The following PLCG2 variants were observed in gnomAD, a reference collection of about 807,000 sequenced individuals.
PLCG2 encodes 1-phosphatidylinositol 4,5-bisphosphate phosphodiesterase gamma-2.
In PLCG2, 69 loss-of-function variants were observed where a neutral mutation model predicts 175.6. The observed-to-expected ratio is 0.39, with a 90% CI of 0.32 to 0.48. The LOEUF is 0.48. Ranked by LOEUF, PLCG2 falls within the 20% of genes least tolerant of loss-of-function variation. PLCG2 has a pLI of 0.91. For missense variants in PLCG2, 1,798 were observed against 1,650.9 expected (o/e 1.09, Z -1.54); for synonymous variants, 827 against 624.0 (o/e 1.33, Z -4.85).
intron 31 of PLCG2, among the ~76,000 whole-genome samples, chr16:81,949,485 T>A (rs1911282086): frequency 6.6e-6 from 1 of 152,196 alleles, no homozygotes; most frequent in Non-Finnish European, 1.5e-5. Context: ...GAATGTGGAC[T>A]AGGAAGACGG....
chr16:81,921,436 C>G (rs753990734), intron 21 of PLCG2, 167 bp downstream of exon 21: 7 of 669,582 alleles, frequency 1.0e-5, no homozygotes, highest in Admixed American at 4.3e-5. Context: ...TAATATCAAG[C>G]CTAGTTTCAG....
intron 2 of PLCG2, among the ~76,000 whole-genome samples, chr16:81,796,853 T>A (rs796229678): frequency 5.3e-5 from 8 of 152,306 alleles, no homozygotes; most frequent in African/African-American, 1.9e-4. Context: ...TGAGACAAAC[T>A]TCTGTTGTTT....
At chr16:81,937,138 C>A (rs1048868515) in intron 27 of PLCG2, among the ~76,000 whole-genome samples, 1 of 152,224 alleles carries the variant, frequency 6.6e-6, no homozygotes, top group Non-Finnish European at 1.5e-5. Flanking sequence ...CTGAGCTAAG[C>A]CACACTGCCA....
At chr16:81,832,125 G>A (rs1167220954) in intron 2 of PLCG2, among the ~76,000 whole-genome samples, 1 of 151,972 alleles carries the variant, frequency 6.6e-6, no homozygotes, top group Non-Finnish European at 1.5e-5. Context: ...TAGTGATATT[G>A]TGGCGATTCT....
At chr16:81,881,044 T>TGCAG in intron 8 of PLCG2, 91 bp downstream of exon 8, 1 of 1,296,388 alleles carries the variant, frequency 7.7e-7, no homozygotes, top group Non-Finnish European at 1.1e-6. Context: ...TGCCTGTGTG[T>TGCAG]GCAGGCGCTG....
intron 2 of PLCG2, among the ~76,000 whole-genome samples, chr16:81,853,194 G>A (rs12926653): frequency 0.13 from 19,280 of 152,134 alleles, 1,385 homozygotes; most frequent in South Asian, 0.18. Context: ...AGCCGGGCAT[G>A]GTGGCACATG....
intron 1 of PLCG2, among the ~76,000 whole-genome samples, chr16:81,750,289 G>A (rs752051935): frequency 4.0e-5 from 6 of 151,842 alleles, no homozygotes; most frequent in Non-Finnish European, 5.9e-5. Context: ...ACATGGTGGC[G>A]GGCATCCGTA....
intron 20 of PLCG2, 84 bp from the exon 21 acceptor site, chr16:81,921,113 TA>T: frequency 1.2e-6 from 1 of 807,968 alleles, no homozygotes. Context: ...TAGGTAACCA[TA>T]AGGAAGCCTA....
At chr16:81,896,909 G>A (rs1215857962) in intron 13 of PLCG2, among the ~76,000 whole-genome samples, 1 of 152,218 alleles carries the variant, frequency 6.6e-6, no homozygotes, top group Non-Finnish European at 1.5e-5. Context: ...AAGGGTTTCT[G>A]ACCTCAGGTG....
At chr16:81,822,722 C>CT (rs1904854980) in intron 2 of PLCG2, among the ~76,000 whole-genome samples, 3 of 140,834 alleles carry the variant, frequency 2.1e-5, no homozygotes, top group East Asian at 4.1e-4. Context: ...GTTCATGCCG[C>CT]TGCACTCCAG....
At chr16:81,822,804 G>T (rs1904864182) in intron 2 of PLCG2, among the ~76,000 whole-genome samples, 1 of 145,408 alleles carries the variant, frequency 6.9e-6, no homozygotes, top group Non-Finnish European at 1.5e-5. Context: ...AGATCAGAGT[G>T]AGTAGAAGAC....
chr16:81,868,418 A>C (rs1361088894), intron 5 of PLCG2, among the ~76,000 whole-genome samples: 1 of 152,146 alleles, frequency 6.6e-6, no homozygotes, highest in Non-Finnish European at 1.5e-5. Context: ...CTTACTCTGC[A>C]TCCCTCTTGT....
intron 9 of PLCG2, among the ~76,000 whole-genome samples, chr16:81,888,506 T>G (rs1359507546): frequency 1.3e-5 from 2 of 152,216 alleles, no homozygotes. Flanking sequence ...CTGAGCACTT[T>G]CTGTGCACCA....
intron 2 of PLCG2, among the ~76,000 whole-genome samples, chr16:81,766,418 A>C (rs1023987075): frequency 2.0e-5 from 3 of 152,106 alleles, no homozygotes; most frequent in African/African-American, 7.2e-5. Flanking sequence ...GTACTTGCTG[A>C]GCCCACTGCC....
At chr16:81,889,400 G>C (rs1908527482) in intron 10 of PLCG2, 127 bp downstream of exon 10, 14 of 606,170 alleles carry the variant, frequency 2.3e-5, no homozygotes, top group Admixed American at 9.3e-5. Flanking sequence ...CGACTGACTG[G>C]TTAGCTGGGA....
intron 13 of PLCG2, among the ~76,000 whole-genome samples, chr16:81,899,668 A>G (rs1909058649): frequency 6.6e-6 from 1 of 152,148 alleles, no homozygotes; most frequent in Non-Finnish European, 1.5e-5. Flanking sequence ...TGCTGTTCAA[A>G]TGGCCCGAAG....
At chr16:81,868,195 C>G (rs1383142992) in intron 5 of PLCG2, among the ~76,000 whole-genome samples, 2 of 152,310 alleles carry the variant, frequency 1.3e-5, no homozygotes, top group African/African-American at 4.8e-5. Flanking sequence ...ACCATGTGTA[C>G]TTTGCAGAAG....
chr16:81,912,592 C>T lies in PLCG2; in HGVS notation c.1935-5C>T, dbSNP rs375362338. The T allele has an allele frequency of 1.6e-5, 26 of 1,612,762 alleles. No homozygotes were observed. The highest frequency in any genetic ancestry group is 9.3e-5 in the African/African-American group (7 of 75,044). On this transcript the variant is annotated splice_polypyrimidine_tract_variant and splice_region_variant and intron_variant, in intron 18 of 32. Coordinates refer to ENST00000564138, the MANE Select transcript of PLCG2 (RefSeq NM_002661.5). ...CTGGTCGTTTTCCCTGGCCCTGTGC[C>T]GCAGGTGGTACTATGACAGCCTGAG... is the stretch of plus-strand genomic sequence containing the variant.
intron 2 of PLCG2, among the ~76,000 whole-genome samples, chr16:81,823,096 G>T (rs1340443293): frequency 6.6e-6 from 1 of 152,264 alleles, no homozygotes; most frequent in Non-Finnish European, 1.5e-5. Context: ...TAAAGCAGGC[G>T]AGGCCTATGT....
Sources: gnomAD v4.1 joint callset for allele counts (sites outside exome capture counted in the v4.1 genomes callset) on GRCh38, gnomAD v4.1.1 for gene constraint, MANE v1.5 for transcripts, NCBI Gene and HGNC (gene_info 2026-07-23, HGNC 2026-07-21) for gene names.